TBL1Y: variants seen among roughly 807,000 people sequenced by gnomAD.
The protein encoded by TBL1Y is transducin beta like 1 Y-linked.
Under a neutral mutation model 12.0 loss-of-function variants are expected in TBL1Y, and 15 were observed. The observed-to-expected ratio is 1.25, with a 90% CI of 0.83 to 1.92. The LOEUF is 1.92. Ranked by LOEUF, TBL1Y falls within the 40% of genes most tolerant of loss-of-function variation. The probability of loss-of-function intolerance (pLI) is 0.00; values close to 1 mark genes in which losing one functional copy is unlikely to be tolerated. For synonymous variants in TBL1Y, 53 were observed against 42.6 expected, an observed-to-expected ratio of 1.24 and a Z score of -0.95; for missense variants, 148 against 116.7, an observed-to-expected ratio of 1.27 and a Z score of -1.24.
At chrY:7,024,416 G>A in intron 5 of TBL1Y, among the ~76,000 whole-genome samples, 2 of 33,474 alleles carry the variant, frequency 6.0e-5, no homozygotes, top group Admixed American at 2.7e-4. Context: ...TCTGTTTCCT[G>A]ACTTTTTAAT....
intron 8 of TBL1Y, among the ~76,000 whole-genome samples, chrY:7,067,488 G>A: frequency 3.0e-5 from 1 of 33,044 alleles, no homozygotes; most frequent in Non-Finnish European, 7.4e-5. Context: ...AAAGAAAGTG[G>A]CTCCAATAAG....
chrY:6,917,463 G>GT (rs2011742226), intron 2 of TBL1Y, among the ~76,000 whole-genome samples: 3 of 33,481 alleles, frequency 9.0e-5, no homozygotes, highest in Non-Finnish European at 2.2e-4. Flanking sequence ...AGATGGGGAG[G>GT]TGGATGCCAA....
intron 6 of TBL1Y, among the ~76,000 whole-genome samples, chrY:7,032,973 A>G (rs2012664089): frequency 3.0e-5 from 1 of 33,694 alleles, no homozygotes; most frequent in African/African-American, 1.2e-4. Context: ...GACAAGAAAT[A>G]TCTAAGATCA....
At chrY:6,963,817 T>C in intron 2 of TBL1Y, among the ~76,000 whole-genome samples, 1 of 33,977 alleles carries the variant, frequency 2.9e-5, no homozygotes, top group South Asian at 6.6e-4. Flanking sequence ...GGGGTTGTTG[T>C]CCCTGAAAAC....
intron 7 of TBL1Y, among the ~76,000 whole-genome samples, chrY:7,052,485 A>AT (rs2012803332): frequency 5.9e-5 from 2 of 33,870 alleles, no homozygotes; most frequent in South Asian, 6.7e-4. Flanking sequence ...CAGCAAGGCC[A>AT]TTTTTTTACT....
chrY:6,971,877 G>A (rs901539529), intron 2 of TBL1Y, among the ~76,000 whole-genome samples: 1 of 33,940 alleles, frequency 2.9e-5, no homozygotes, highest in East Asian at 7.8e-4. Context: ...CAAAAGCACT[G>A]GAATTACAGG....
At chrY:6,970,059 A>G in intron 2 of TBL1Y, among the ~76,000 whole-genome samples, 1 of 32,521 alleles carries the variant, frequency 3.1e-5, no homozygotes, top group Non-Finnish European at 7.5e-5. Flanking sequence ...ATATTCTTAT[A>G]GCATTTAAAA....
chrY:7,050,410 G>T, intron 7 of TBL1Y, among the ~76,000 whole-genome samples: 2 of 24,577 alleles, frequency 8.1e-5, no homozygotes, highest in African/African-American at 3.2e-4. Context: ...CAGGAGAATC[G>T]CTTGAACCCA....
intron 2 of TBL1Y, among the ~76,000 whole-genome samples, chrY:6,940,089 A>C (rs2011938945): frequency 4.3e-5 from 1 of 23,084 alleles, no homozygotes; most frequent in Non-Finnish European, 9.8e-5. Context: ...CTCTACTAAA[A>C]ATACAAAAAA....
intron 7 of TBL1Y, among the ~76,000 whole-genome samples, chrY:7,043,667 A>G (rs973215514): frequency 3.0e-5 from 1 of 33,411 alleles, no homozygotes; most frequent in Non-Finnish European, 7.4e-5. Flanking sequence ...CCCCTCCCAC[A>G]TGGGTCTGTG....
intron 2 of TBL1Y, among the ~76,000 whole-genome samples, chrY:6,927,191 A>C: frequency 3.0e-5 from 1 of 33,063 alleles, no homozygotes; most frequent in Non-Finnish European, 7.4e-5. Flanking sequence ...GCCTCCTAAA[A>C]TGCTGGGATT....
chrY:7,063,427 T>C, intron 7 of TBL1Y, among the ~76,000 whole-genome samples: 1 of 32,587 alleles, frequency 3.1e-5, no homozygotes, highest in South Asian at 7.1e-4. Context: ...CTAATTCCGA[T>C]TGGCTAATTT....
At chrY:7,067,335 G>A (rs755617970) in intron 8 of TBL1Y, among the ~76,000 whole-genome samples, 1 of 33,992 alleles carries the variant, frequency 2.9e-5, no homozygotes, top group African/African-American at 1.2e-4. Flanking sequence ...GCATGTGTCT[G>A]TAGTCCCAGC....
Position 7,071,723 on chromosome Y carries a change from T to C in TBL1Y, c.797-10T>C. On this transcript the variant is annotated splice_polypyrimidine_tract_variant and intron_variant, in intron 11 of 18. Coordinates refer to ENST00000383032, the MANE Select transcript of TBL1Y (RefSeq NM_033284.2). ...GACAACAGAATCAACATGTTTGTTT[T>C]TACTAACAGGTAACCTGGCCAGCAC... 13 of 394,072 alleles carry C rather than the reference T, an allele frequency of 3.3e-5. No homozygotes were observed. The highest frequency in any genetic ancestry group is 4.6e-5 in the Non-Finnish European group (13 of 281,359).
intron 7 of TBL1Y, among the ~76,000 whole-genome samples, chrY:7,049,053 C>T: frequency 3.1e-5 from 1 of 32,720 alleles, no homozygotes; most frequent in Non-Finnish European, 7.5e-5. Flanking sequence ...ACAACAGGCC[C>T]TGGTGTGTGA....
chrY:6,987,130 G>A (rs2012323865), intron 3 of TBL1Y, among the ~76,000 whole-genome samples: 2 of 32,299 alleles, frequency 6.2e-5, no homozygotes, highest in Admixed American at 2.9e-4. Flanking sequence ...ATTGTAAGTC[G>A]GGGACCATTT....
intron 7 of TBL1Y, among the ~76,000 whole-genome samples, chrY:7,043,941 C>T (rs2012743686): frequency 3.0e-5 from 1 of 33,643 alleles, no homozygotes; most frequent in African/African-American, 1.2e-4. Context: ...CCTCAAGGAT[C>T]GCTGTAGAGC....
chrY:7,009,701 A>AGC (rs2012504685), intron 4 of TBL1Y, among the ~76,000 whole-genome samples: 1 of 33,538 alleles, frequency 3.0e-5, no homozygotes, highest in Non-Finnish European at 7.3e-5. Flanking sequence ...ACAATTTTGT[A>AGC]AACACCATAG....
intron 7 of TBL1Y, among the ~76,000 whole-genome samples, chrY:7,062,913 A>G (rs2012891431): frequency 5.9e-5 from 2 of 34,088 alleles, no homozygotes; most frequent in Non-Finnish European, 1.5e-4. Flanking sequence ...CCCGACCACC[A>G]AGGAAATACT....
Sources: gnomAD v4.1 joint callset for allele counts (sites outside exome capture counted in the v4.1 genomes callset) on GRCh38, gnomAD v4.1.1 for gene constraint, MANE v1.5 for transcripts, NCBI Gene and HGNC (gene_info 2026-07-23, HGNC 2026-07-21) for gene names.